TRPM3: variants seen among roughly 807,000 people sequenced by gnomAD.
TRPM3 encodes the protein long transient receptor potential channel 3.
In TRPM3, 77 loss-of-function variants were observed where a neutral mutation model predicts 181.2. The observed-to-expected ratio is 0.42, with a 90% CI of 0.35 to 0.51. The LOEUF (loss-of-function observed/expected upper bound fraction) is 0.51. TRPM3 is among the 20% of genes least tolerant of loss of function. The probability of loss-of-function intolerance (pLI) is 0.01; values close to 1 mark genes in which losing one functional copy is unlikely to be tolerated. For missense variants in TRPM3, 1,759 were observed against 2,196.7 expected, an observed-to-expected ratio of 0.80 and a Z score of 3.98; for synonymous variants, 745 against 796.4, an observed-to-expected ratio of 0.94 and a Z score of 1.09.
chr9:70,923,064 T>C (rs893044164), intron 1 of TRPM3, among the ~76,000 whole-genome samples: 5 of 152,158 alleles, frequency 3.3e-5, no homozygotes, highest in African/African-American at 1.2e-4. Context: ...AGTGGACTAT[T>C]GGGCCTATTA....
chr9:70,852,050 TG>T lies in TRPM3; in HGVS notation c.463-5460del, dbSNP rs1294778693. ...AGAAGAATCACTTGAACCCAGGAGG[TG>T]GAGGTTGCGGTGAGCTGAGATCACG... On this transcript the variant is annotated intron_variant, in intron 3 of 25. Transcript: ENST00000677713. 4.8e-5 allele frequency among the ~76,000 whole-genome samples: 6 copies of T among 125,712 alleles called. No homozygotes were observed. In the East Asian group the frequency reaches 1.5e-3, roughly 30 times the overall value. The allele number at this position is 125,712 out of a possible 152,430, so 82.5% of individuals were successfully genotyped here.
At chr9:70,542,848 T>C (rs2043830118) in intron 25 of TRPM3, among the ~76,000 whole-genome samples, 1 of 152,156 alleles carries the variant, frequency 6.6e-6, no homozygotes, top group Admixed American at 6.5e-5. Context: ...AGGTTTCAAA[T>C]CAAAGGCAAT....
rs757718286 is a variant in TRPM3 at position 70,535,986 on chromosome 9, C to T, written c.5127G>A (p.Ser1709=). ...SLSMRRLSRT[S]AFQSFESKHN ...GCTTGCTTTCAAAGCTTTGGAAAGCCGATGTTCTGGACAGTCTCCTCATGG... is the reference window on the plus strand; with the variant it reads ...GCTTGCTTTCAAAGCTTTGGAAAGCTGATGTTCTGGACAGTCTCCTCATGG... Residue 1709 remains serine, a synonymous_variant, in exon 26 of 26, where the codon TCG becomes TCA. Transcript: ENST00000677713. 11 of 1,607,916 alleles carry T rather than the reference C, an allele frequency of 6.8e-6. No individual in the cohort carries two copies. The highest frequency in any genetic ancestry group is 2.2e-5 in the East Asian group (1 of 44,854).
chr9:71,221,492 A>C (rs2131850347), intron 1 of TRPM3, among the ~76,000 whole-genome samples: 1 of 152,260 alleles, frequency 6.6e-6, no homozygotes, highest in South Asian at 2.1e-4. Flanking sequence ...ATGTTTTTTA[A>C]AAAAAATAAT....
chr9:71,020,897 TTATATC>T (rs1240104037), intron 1 of TRPM3, among the ~76,000 whole-genome samples: 1 of 152,210 alleles, frequency 6.6e-6, no homozygotes, highest in African/African-American at 2.4e-5. Flanking sequence ...AATGGGAAGT[TTATATC>T]TATGTACTCA....
intron 1 of TRPM3, among the ~76,000 whole-genome samples, chr9:70,969,398 A>G (rs777731007): frequency 1.3e-5 from 2 of 152,040 alleles, no homozygotes; most frequent in African/African-American, 4.8e-5. Context: ...CATTTGACAC[A>G]GGTACCCCAG....
intron 9 of TRPM3, among the ~76,000 whole-genome samples, chr9:70,664,641 G>GTTTTTTTT (rs71367210): frequency 6.0e-5 from 6 of 100,220 alleles, no homozygotes; most frequent in African/African-American, 7.2e-5. Context: ...TAGGAGAGTA[G>GTTTTTTTT]TTTTTTTTTT....
At position 70,535,493 on chromosome 9, in the gene TRPM3, C is replaced by G. The variant is rs1201072341; in HGVS notation, c.*460G>C. ...TGATGGAGCCAATGTGAAAAGAAAA[C>G]AGAATGGAAGTTTAGAATATCTCAT... On this transcript the variant is annotated 3_prime_UTR_variant, in exon 26 of 26. Transcript: ENST00000677713. 1 of 1,550,226 alleles carries G rather than the reference C, an allele frequency of 6.5e-7. No homozygotes were observed. The highest frequency in any genetic ancestry group is 8.7e-7 in the Non-Finnish European group (1 of 1,146,964).
intron 1 of TRPM3, among the ~76,000 whole-genome samples, chr9:70,866,429 C>T (rs1055192816): frequency 6.6e-6 from 1 of 151,972 alleles, no homozygotes; most frequent in Non-Finnish European, 1.5e-5. Flanking sequence ...GTGAGTGGGA[C>T]ACTGTGACCT....
At chr9:70,654,399 A>T (rs1448726298) in intron 9 of TRPM3, among the ~76,000 whole-genome samples, 3 of 151,990 alleles carry the variant, frequency 2.0e-5, no homozygotes, top group Non-Finnish European at 2.9e-5. Context: ...AAAGTTATTT[A>T]AAAAAAGGCT....
chr9:70,624,619 T>C (rs2064198265), intron 14 of TRPM3, among the ~76,000 whole-genome samples: 1 of 152,230 alleles, frequency 6.6e-6, no homozygotes, highest in South Asian at 2.1e-4. Flanking sequence ...TTTGATATAT[T>C]TGCTGTGTTT....
chr9:71,117,831 A>G (rs1487751590), intron 1 of TRPM3, among the ~76,000 whole-genome samples: 3 of 152,176 alleles, frequency 2.0e-5, no homozygotes, highest in East Asian at 1.9e-4. Flanking sequence ...TCTGTCACAA[A>G]TACAGTGTCC....
chr9:70,691,718 T>A (rs561908212), intron 8 of TRPM3, among the ~76,000 whole-genome samples: 1 of 152,338 alleles, frequency 6.6e-6, no homozygotes, highest in East Asian at 1.9e-4. Flanking sequence ...ATTTCTTTTT[T>A]CTTATTATAA....
At chr9:71,282,157 G>A (rs1321148349) in intron 1 of TRPM3, among the ~76,000 whole-genome samples, 1 of 98,042 alleles carries the variant, frequency 1.0e-5, no homozygotes, top group Non-Finnish European at 2.2e-5. Flanking sequence ...AAGAAAGAAA[G>A]GAAAAGAAAG....
At chr9:71,425,252 C>T (rs2093843543) in intron 1 of TRPM3, among the ~76,000 whole-genome samples, 1 of 152,024 alleles carries the variant, frequency 6.6e-6, no homozygotes, top group African/African-American at 2.4e-5. Context: ...CTGATAATAC[C>T]CAGGTTAGCT....
chr9:70,921,223 T>TA (rs2096650140), intron 1 of TRPM3, among the ~76,000 whole-genome samples: 1 of 152,224 alleles, frequency 6.6e-6, no homozygotes, highest in Non-Finnish European at 1.5e-5. Context: ...CATTTTTACT[T>TA]ATGTTTTCCA....
At chr9:71,341,215 C>G (rs2090939753) in intron 1 of TRPM3, among the ~76,000 whole-genome samples, 1 of 152,092 alleles carries the variant, frequency 6.6e-6, no homozygotes, top group Admixed American at 6.5e-5. Flanking sequence ...AGGCAATATC[C>G]ACTGATGAGT....
At chr9:70,794,004 T>G (rs549951479) in intron 6 of TRPM3, among the ~76,000 whole-genome samples, 1 of 152,282 alleles carries the variant, frequency 6.6e-6, no homozygotes, top group African/African-American at 2.4e-5. Context: ...CAACTTAAAA[T>G]CGTTTGATTG....
chr9:70,584,190 C>A (rs2056627205), intron 22 of TRPM3, among the ~76,000 whole-genome samples: 1 of 152,052 alleles, frequency 6.6e-6, no homozygotes, highest in Non-Finnish European at 1.5e-5. Flanking sequence ...CTGTGCCTGG[C>A]CTTCTTTCTC....
Sources: gnomAD v4.1 joint callset for allele counts (sites outside exome capture counted in the v4.1 genomes callset) on GRCh38, gnomAD v4.1.1 for gene constraint, MANE v1.5 for transcripts, NCBI Gene and HGNC (gene_info 2026-07-23, HGNC 2026-07-21) for gene names.